SLC8A1: variants seen among roughly 807,000 people sequenced by gnomAD.
SLC8A1 encodes sodium/calcium exchanger 1.
A neutral mutation model predicts 68.3 loss-of-function variants in SLC8A1; 18 were observed. The observed-to-expected ratio is 0.26, with a 90% confidence interval of 0.18 to 0.39. SLC8A1 has a LOEUF of 0.39. Among genes scored for constraint, SLC8A1 ranks in the 10% least tolerant of loss-of-function variants. SLC8A1 has a pLI of 1.00. For missense variants in SLC8A1, 985 were observed against 1,156.7 expected (o/e 0.85, Z 2.15); for synonymous variants, 475 against 415.5 (o/e 1.14, Z -1.74).
At chr2:40,114,707 C>T (rs5541) in exon 8 of SLC8A1, 25,346 of 152,268 alleles carry the variant, frequency 0.17, 2,795 homozygotes, top group East Asian at 0.51. Flanking sequence ...TTTGGTAATA[C>T]GATGAAGACA....
intron 6 of SLC8A1, among the ~76,000 whole-genome samples, chr2:40,144,724 TAAAAC>T (rs1297231273): frequency 6.6e-6 from 1 of 152,124 alleles, no homozygotes; most frequent in Non-Finnish European, 1.5e-5. Flanking sequence ...ACATGGGAAA[TAAAAC>T]AATCAGGTAA....
intron 2 of SLC8A1, among the ~76,000 whole-genome samples, chr2:40,244,742 C>G (rs960331993): frequency 6.6e-6 from 1 of 152,062 alleles, no homozygotes; most frequent in Non-Finnish European, 1.5e-5. Flanking sequence ...GAAGTGCTGC[C>G]CCAGTCAGCC....
intron 1 of SLC8A1, among the ~76,000 whole-genome samples, chr2:40,432,233 G>A (rs1224228928): frequency 2.6e-5 from 4 of 151,810 alleles, no homozygotes; most frequent in Non-Finnish European, 5.9e-5. Context: ...TTACTAGTCT[G>A]TCTTCTAGAT....
At chr2:40,324,324 G>A (rs1378954512) in intron 2 of SLC8A1, among the ~76,000 whole-genome samples, 1 of 152,072 alleles carries the variant, frequency 6.6e-6, no homozygotes, top group Non-Finnish European at 1.5e-5. Flanking sequence ...TCAAGGAGTG[G>A]GAATTATACC....
At position 40,437,890 on chromosome 2, in the gene SLC8A1, T is replaced by C. The variant is rs144811202; in HGVS notation, c.-24-7586A>G. Among the ~76,000 whole-genome samples the C allele has an allele frequency of 1.6e-3, 241 of 152,234 alleles. 2 individuals carry two copies. The highest frequency in any genetic ancestry group is 5.5e-3 in the African/African-American group (230 of 41,556). On this transcript the variant is annotated intron_variant, in intron 1 of 7. Coordinates refer to ENST00000406785, the Ensembl canonical transcript of SLC8A1. ...ATCTCCAAAGGAGCTTGTATTCTAG[T>C]GGGGCACTGGCAGAATCAAGGAGTG...
chr2:40,404,931 T>C (rs1171910988), intron 2 of SLC8A1, among the ~76,000 whole-genome samples: 3 of 152,204 alleles, frequency 2.0e-5, no homozygotes, highest in Non-Finnish European at 2.9e-5. Context: ...CCATGAAAGC[T>C]TGTGGGTAAT....
Position 40,124,184 on chromosome 2 carries a change from C to T in SLC8A1, c.2438-8555G>A, listed in dbSNP as rs921798459. Among the ~76,000 whole-genome samples, 5 of 152,224 alleles carry T rather than the reference C, an allele frequency of 3.3e-5. No individual in the cohort carries two copies. The South Asian group carries it at 8.3e-4, about 25-fold the overall frequency. On this transcript the variant is annotated intron_variant, in intron 7 of 7. Transcript: ENST00000406785. ...GAAATAAAAAGAAAACAGAAACCTT[C>T]ATTCTCACCTGCAGGTAGCCTTAAT...
At chr2:40,429,952 T>C (rs1270116276) in exon 2 of SLC8A1, 1 of 1,613,362 alleles carries the variant, frequency 6.2e-7, no homozygotes, top group African/African-American at 1.3e-5. Flanking sequence ...TATTTCTTTT[T>C]CTTGAGATGT....
At chr2:40,246,845 T>A (rs919820933) in intron 2 of SLC8A1, among the ~76,000 whole-genome samples, 2 of 152,122 alleles carry the variant, frequency 1.3e-5, no homozygotes, top group African/African-American at 2.4e-5. Context: ...TTTAAGTCTG[T>A]CATTTTAAAG....
exon 2 of SLC8A1, chr2:40,429,633 G>A (rs745391497): frequency 2.5e-6 from 4 of 1,613,686 alleles, no homozygotes; most frequent in African/African-American, 2.7e-5. Context: ...TGTAAAGCCA[G>A]GTGTAGGCAA....
At chr2:40,368,853 A>T (rs1575759302) in intron 2 of SLC8A1, among the ~76,000 whole-genome samples, 1 of 152,044 alleles carries the variant, frequency 6.6e-6, no homozygotes, top group East Asian at 1.9e-4. Flanking sequence ...AAAGACCAAT[A>T]AAACAGAATA....
intron 2 of SLC8A1, among the ~76,000 whole-genome samples, chr2:40,222,364 C>T (rs2058448210): frequency 6.6e-6 from 1 of 152,240 alleles, no homozygotes; most frequent in African/African-American, 2.4e-5. Flanking sequence ...ATACCTTATA[C>T]AAAAATTAAC....
chr2:40,212,986 G>A (rs1316545157), intron 2 of SLC8A1: 1 of 152,258 alleles, frequency 6.6e-6, no homozygotes, highest in Non-Finnish European at 1.5e-5. Context: ...AAGCACCCAT[G>A]TCTGATTTGT....
intron 2 of SLC8A1, among the ~76,000 whole-genome samples, chr2:40,255,657 G>A (rs1409089761): frequency 6.6e-6 from 1 of 152,200 alleles, no homozygotes; most frequent in African/African-American, 2.4e-5. Context: ...ATTTTGTTGT[G>A]GAAAATAAAT....
chr2:40,318,864 CT>C (rs1430413150), intron 2 of SLC8A1, among the ~76,000 whole-genome samples: 1 of 151,838 alleles, frequency 6.6e-6, no homozygotes, highest in Non-Finnish European at 1.5e-5. Context: ...GGAAGTTGTT[CT>C]TTTTTTTCCC....
At chr2:40,282,846 A>G (rs1038445395) in intron 2 of SLC8A1, among the ~76,000 whole-genome samples, 2 of 152,222 alleles carry the variant, frequency 1.3e-5, no homozygotes, top group Admixed American at 1.3e-4. Context: ...TCAGATGCAG[A>G]CATTCTTCCC....
intron 2 of SLC8A1, among the ~76,000 whole-genome samples, chr2:40,183,496 C>T (rs1330340128): frequency 6.6e-6 from 1 of 152,224 alleles, no homozygotes; most frequent in Non-Finnish European, 1.5e-5. Context: ...TGCAATGGCT[C>T]ACCAACTCTG....
At chr2:40,261,204 AT>A (rs1488156990) in intron 2 of SLC8A1, among the ~76,000 whole-genome samples, 1 of 152,102 alleles carries the variant, frequency 6.6e-6, no homozygotes, top group Non-Finnish European at 1.5e-5. Flanking sequence ...ATGTGTGGAG[AT>A]CAATTACCCA....
chr2:40,269,021 C>T (rs1409862758), intron 2 of SLC8A1, among the ~76,000 whole-genome samples: 2 of 152,132 alleles, frequency 1.3e-5, no homozygotes, highest in Non-Finnish European at 2.9e-5. Context: ...AAGGGTTTTA[C>T]AGGCACTCAT....
Sources: allele counts gnomAD v4.1 joint callset (sites outside exome capture counted in the v4.1 genomes callset), GRCh38; gene constraint gnomAD v4.1.1; transcripts MANE v1.5; gene names NCBI Gene and HGNC (gene_info 2026-07-23, HGNC 2026-07-21).